Variants in STAT5B observed in about 807,000 individuals in gnomAD.
STAT5B encodes transcription factor STAT5B.
Under a neutral mutation model 107.8 loss-of-function variants are expected in STAT5B, and 21 were observed. That is an observed-to-expected ratio of 0.19 (90% confidence interval 0.14 to 0.28). The LOEUF is 0.28. Among genes scored for constraint, STAT5B ranks in the 10% least tolerant of loss-of-function variants. STAT5B has a pLI of 1.00. For synonymous variants in STAT5B, 325 were observed against 401.7 expected (o/e 0.81, Z 2.28); for missense variants, 565 against 1,008.2 (o/e 0.56, Z 5.95).
chr17:42,212,326 T>C lies in STAT5B; in HGVS notation c.1474-136A>G, dbSNP rs914830431. 3.6e-6 allele frequency: 5 copies of C among 1,405,968 alleles called. No homozygotes were observed. In the East Asian group the frequency reaches 9.8e-5, roughly 28 times the overall value. 87.1% of individuals were successfully genotyped at this position (1,405,968 alleles called of 1,614,324 possible). On this transcript the variant is annotated intron_variant, in intron 12 of 18. Coordinates refer to ENST00000293328, the MANE Select transcript of STAT5B (RefSeq NM_012448.4). ...GCAGGGCCTGAGGATAAATTCAGAC[T>C]CTGCTGGGGTACACGGTTCTGTGAA...
chr17:42,209,247 G>A (rs991943326), intron 15 of STAT5B, among the ~76,000 whole-genome samples: 1 of 151,264 alleles, frequency 6.6e-6, no homozygotes, highest in African/African-American at 2.4e-5. Context: ...TAGAGACAGG[G>A]TCTTACTATG....
intron 5 of STAT5B, among the ~76,000 whole-genome samples, chr17:42,220,152 G>A (rs910802484): frequency 2.0e-5 from 3 of 152,320 alleles, no homozygotes; most frequent in East Asian, 1.9e-4. Context: ...CCCTCTTCTC[G>A]CGGCCCAGCA....
chr17:42,204,012 C>G (rs917441348), intron 16 of STAT5B, among the ~76,000 whole-genome samples: 1 of 152,122 alleles, frequency 6.6e-6, no homozygotes, highest in Non-Finnish European at 1.5e-5. Flanking sequence ...CTGATCTGAT[C>G]TGATGATGTC....
At chr17:42,239,676 G>A (rs1020119128) in intron 1 of STAT5B, among the ~76,000 whole-genome samples, 1 of 152,168 alleles carries the variant, frequency 6.6e-6, no homozygotes, top group African/African-American at 2.4e-5. Context: ...AGGAAATTGA[G>A]GGTCATCAAG....
intron 1 of STAT5B, among the ~76,000 whole-genome samples, chr17:42,256,581 C>T (rs997659709): frequency 5.3e-5 from 8 of 152,080 alleles, no homozygotes; most frequent in African/African-American, 1.9e-4. Flanking sequence ...TACATTCGGC[C>T]AGGCACAGTG....
upstream of STAT5B, among the ~76,000 whole-genome samples, chr17:42,281,245 G>C (rs1233618396): frequency 1.3e-5 from 2 of 152,096 alleles, no homozygotes; most frequent in Non-Finnish European, 1.5e-5. Flanking sequence ...TCATAGTTAG[G>C]GGGTAGAGTG....
At position 42,214,633 on chromosome 17, in the gene STAT5B, GT is replaced by G. The variant is rs149939547; in HGVS notation, c.1473+1380del. The G allele has an allele frequency of 3.3e-3, 3,249 of 985,222 alleles. 96 individuals carry two copies. In the African/African-American group the frequency reaches 0.053, roughly 16 times the overall value. The allele number at this position is 985,222 out of a possible 1,614,324, so 61.0% of individuals were successfully genotyped here. On this transcript the variant is annotated intron_variant, in intron 12 of 18. Transcript: ENST00000293328. Reference sequence around the variant, plus strand: ...AGCCACAAAACAAAACATAATCAAGGTTTGTTGGATATACTTAGAGAAGGAC... The same window carrying G: ...AGCCACAAAACAAAACATAATCAAGGTTGTTGGATATACTTAGAGAAGGAC...
chr17:42,274,959 T>C (rs530154803), intron 1 of STAT5B: 1 of 152,296 alleles, frequency 6.6e-6, no homozygotes, highest in East Asian at 1.9e-4. Flanking sequence ...AGCCCAAGTA[T>C]GATATTCAGT....
chr17:42,286,146 T>C, the STAT5B span, among the ~76,000 whole-genome samples: 1 of 147,496 alleles, frequency 6.8e-6, no homozygotes, highest in Admixed American at 6.9e-5. Context: ...GGTAGGAGAA[T>C]CGCTTGAACC....
intron 12 of STAT5B, among the ~76,000 whole-genome samples, chr17:42,215,594 A>G (rs1366365585): frequency 2.0e-5 from 3 of 152,058 alleles, no homozygotes; most frequent in African/African-American, 7.2e-5. Context: ...GCCTCCCACT[A>G]AAGAAAACAG....
chr17:42,218,987 A>G (rs576779759), intron 7 of STAT5B, 109 bp from the exon 8 acceptor site: 11 of 1,069,648 alleles, frequency 1.0e-5, no homozygotes, highest in Admixed American at 7.5e-5. Flanking sequence ...CTTTCGCCAC[A>G]CTTCCCACCC....
At chr17:42,248,057 T>C (rs187068226) in intron 1 of STAT5B, among the ~76,000 whole-genome samples, 50 of 151,840 alleles carry the variant, frequency 3.3e-4, no homozygotes, top group African/African-American at 1.1e-3. Flanking sequence ...ATGGGAAGAC[T>C]GATTAGGCCA....
intron 1 of STAT5B, chr17:42,235,291 T>C (rs1317804975): frequency 6.6e-6 from 1 of 152,230 alleles, no homozygotes; most frequent in Non-Finnish European, 1.5e-5. Context: ...TTTGTTTTGT[T>C]CACCGTGCTT....
chr17:42,230,688 T>C (rs2080310237), intron 2 of STAT5B, among the ~76,000 whole-genome samples: 1 of 151,994 alleles, frequency 6.6e-6, no homozygotes, highest in East Asian at 1.9e-4. Flanking sequence ...TTAAAGGCAG[T>C]CTCACTCTGT....
chr17:42,227,824 A>G, intron 2 of STAT5B, 139 bp from the exon 3 acceptor site: 1 of 811,512 alleles, frequency 1.2e-6, no homozygotes, highest in East Asian at 2.7e-5. Flanking sequence ...ACAGCCCAAC[A>G]GAAATGGACT....
At chr17:42,207,862 T>TG (rs2080098796) in intron 15 of STAT5B, 134 bp from the exon 16 acceptor site, 1 of 882,270 alleles carries the variant, frequency 1.1e-6, no homozygotes, top group Non-Finnish European at 1.8e-6. Flanking sequence ...AAAATAACCA[T>TG]GGGTTATAGA....
Position 42,219,823 on chromosome 17 carries a change from G to A in STAT5B, c.570C>T (p.Ala190=). ...LRIQAQFGPL[A]QLSPQERLSR... is the part of the protein sequence containing the mutation. ...TCAGACGCTCCTGGGGGCTCAGCTGGGCCAGCGGGCCAAACTGAGCTAGAG... is the reference window on the plus strand; with the variant it reads ...TCAGACGCTCCTGGGGGCTCAGCTGAGCCAGCGGGCCAAACTGAGCTAGAG... Residue 190 remains alanine (A), a synonymous_variant, in exon 6 of 19, where the codon GCC becomes GCT. Transcript: ENST00000293328. 2 of 1,614,154 alleles carry A rather than the reference G, an allele frequency of 1.2e-6. No individual in the cohort carries two copies. Among genetic ancestry groups the A allele is most frequent in the East Asian group, 2.2e-5 (1 of 44,868 alleles).
At chr17:42,202,855 A>G in intron 16 of STAT5B, 47 bp from the exon 17 acceptor site, 1 of 1,610,454 alleles carries the variant, frequency 6.2e-7, no homozygotes, top group Non-Finnish European at 8.5e-7. Flanking sequence ...AGTGAAACAA[A>G]AATGTGATCT....
At chr17:42,286,507 C>G in the STAT5B span, among the ~76,000 whole-genome samples, 1 of 152,180 alleles carries the variant, frequency 6.6e-6, no homozygotes, top group Non-Finnish European at 1.5e-5. Context: ...CCAACCAAGA[C>G]AGATGTTTGG....
Sources: allele counts gnomAD v4.1 joint callset (sites outside exome capture counted in the v4.1 genomes callset), GRCh38; gene constraint gnomAD v4.1.1; transcripts MANE v1.5; gene names NCBI Gene and HGNC (gene_info 2026-07-23, HGNC 2026-07-21).